ATP8A1: variants seen among roughly 807,000 people sequenced by gnomAD.
ATP8A1 encodes the protein ATPase phospholipid transporting 8A1.
ATP8A1 carries 90 observed loss-of-function variants against 177.7 expected under a neutral mutation model. That is an observed-to-expected ratio of 0.51 (90% CI 0.43 to 0.60). The LOEUF (loss-of-function observed/expected upper bound fraction) is 0.60. ATP8A1 is among the 20% of genes least tolerant of loss of function. The pLI, the probability that ATP8A1 is intolerant of heterozygous loss-of-function variation, is 0.00. For missense variants in ATP8A1, 1,072 were observed against 1,392.8 expected, an observed-to-expected ratio of 0.77 and a Z score of 3.67; for synonymous variants, 493 against 485.9, an observed-to-expected ratio of 1.01 and a Z score of -0.19.
chr4:42,506,344 C>T (rs767004636), intron 23 of ATP8A1, among the ~76,000 whole-genome samples: 1 of 152,172 alleles, frequency 6.6e-6, no homozygotes, highest in Non-Finnish European at 1.5e-5. Context: ...TAAGAAGGTG[C>T]TATCTATGAA....
At chr4:42,485,690 A>T in intron 24 of ATP8A1, 22 bp from the exon 25 acceptor site, 1 of 1,598,086 alleles carries the variant, frequency 6.3e-7, no homozygotes, top group South Asian at 1.1e-5. Context: ...AACAAGCAAA[A>T]ATGCCATCAA....
At chr4:42,516,667 C>T (rs116238247) in intron 22 of ATP8A1, among the ~76,000 whole-genome samples, 1,539 of 152,208 alleles carry the variant, frequency 0.01, 24 homozygotes, top group African/African-American at 0.036. Flanking sequence ...CACGAAGGCA[C>T]GCCTTCATAT....
intron 30 of ATP8A1, among the ~76,000 whole-genome samples, chr4:42,449,301 T>C (rs115960924): frequency 1.3e-5 from 2 of 152,326 alleles, no homozygotes; most frequent in African/African-American, 4.8e-5. Flanking sequence ...ATTATTAAGA[T>C]GGTTCAAGTT....
At chr4:42,432,301 A>AATATTAAT (rs1398709709) in intron 33 of ATP8A1, among the ~76,000 whole-genome samples, 1 of 152,202 alleles carries the variant, frequency 6.6e-6, no homozygotes, top group East Asian at 1.9e-4. Flanking sequence ...TAAAATCCAC[A>AATATTAAT]ATATTAATAT....
chr4:42,572,306 A>G (rs1261798163), intron 14 of ATP8A1, among the ~76,000 whole-genome samples: 1 of 152,134 alleles, frequency 6.6e-6, no homozygotes, highest in East Asian at 1.9e-4. Flanking sequence ...CCCCATCTGG[A>G]TTCCCATAAT....
At chr4:42,640,747 A>C (rs1739889635) in intron 1 of ATP8A1, among the ~76,000 whole-genome samples, 1 of 152,078 alleles carries the variant, frequency 6.6e-6, no homozygotes, top group Non-Finnish European at 1.5e-5. Context: ...CCCCTGGGTC[A>C]CCCTTGGACT....
At chr4:42,517,373 T>C (rs1725667333) in intron 22 of ATP8A1, among the ~76,000 whole-genome samples, 1 of 151,196 alleles carries the variant, frequency 6.6e-6, no homozygotes. Context: ...AAATTATGAG[T>C]CCTAATATGT....
At chr4:42,522,360 T>C in intron 21 of ATP8A1, 61 bp from the exon 22 acceptor site, 3 of 1,572,940 alleles carry the variant, frequency 1.9e-6, no homozygotes, top group Non-Finnish European at 2.6e-6. Flanking sequence ...AGTCTGAGGT[T>C]TCTGTTTTTA....
intron 22 of ATP8A1, among the ~76,000 whole-genome samples, chr4:42,509,008 G>A (rs1451677394): frequency 1.3e-5 from 2 of 152,232 alleles, no homozygotes; most frequent in Non-Finnish European, 2.9e-5. Context: ...ATGCATGCAT[G>A]TAATTTATAC....
intron 3 of ATP8A1, chr4:42,625,395 T>G: frequency 2.5e-6 from 1 of 397,924 alleles, no homozygotes; most frequent in Non-Finnish European, 4.6e-6. Flanking sequence ...GAACAGTCCT[T>G]GCCACATCAA....
chr4:42,421,832 C>T (rs906278833), intron 35 of ATP8A1, among the ~76,000 whole-genome samples: 7 of 152,126 alleles, frequency 4.6e-5, no homozygotes, highest in African/African-American at 7.2e-5. Flanking sequence ...AATTCCTCCT[C>T]CTATCTTAAT....
chr4:42,581,624 C>T lies in ATP8A1; in HGVS notation c.831G>A (p.Met277Ile). The change falls in exon 10 of 37, where the codon ATG (methionine) becomes ATA (isoleucine). Residue 277 changes from methionine to isoleucine, a missense_variant. By Grantham distance (10) the Met-to-Ile change is conservative. This residue lies in a region of ATP8A1 where 344 missense variants were observed against 393.5 expected (regional missense o/e 0.87). Transcript: ENST00000381668. ...GTTTCATAGAGAAAAATTTCACCTGCATCAGCTTGGTGTCATGTCCAGTGT... is the reference window on the plus strand; with the variant it reads ...GTTTCATAGAGAAAAATTTCACCTGTATCAGCTTGGTGTCATGTCCAGTGT... ...VVYTGHDTKL[M>I]QNSTSPPLKL... is the part of the protein sequence containing the mutation. 1 of 1,612,528 alleles carries T rather than the reference C, an allele frequency of 6.2e-7. No individual in the cohort carries two copies. Among genetic ancestry groups the T allele is most frequent in the Non-Finnish European group, 8.5e-7 (1 of 1,178,540 alleles).
At chr4:42,475,933 G>T (rs1721015422) in intron 25 of ATP8A1, among the ~76,000 whole-genome samples, 1 of 152,096 alleles carries the variant, frequency 6.6e-6, no homozygotes, top group Admixed American at 6.6e-5. Context: ...CAGCTACTCG[G>T]GAGGGTGAGG....
chr4:42,466,139 G>C (rs1413419309), intron 25 of ATP8A1, among the ~76,000 whole-genome samples: 2 of 150,296 alleles, frequency 1.3e-5, no homozygotes, highest in Non-Finnish European at 3.0e-5. Flanking sequence ...GGAAACTATA[G>C]AGAAAGACAG....
chr4:42,464,855 TGA>T, intron 26 of ATP8A1, 36 bp downstream of exon 26: 2 of 1,612,570 alleles, frequency 1.2e-6, no homozygotes, highest in South Asian at 1.1e-5. Flanking sequence ...ATCAGTTGAC[TGA>T]GAGGAATGAT....
At chr4:42,442,092 T>TA (rs1409763818) in intron 33 of ATP8A1, among the ~76,000 whole-genome samples, 1 of 152,258 alleles carries the variant, frequency 6.6e-6, no homozygotes, top group Admixed American at 6.5e-5. Context: ...ACACTTGTCC[T>TA]AGAAGTAGGT....
chr4:42,552,829 T>A lies in ATP8A1; in HGVS notation c.1414-219A>T, dbSNP rs4241701. Among the ~76,000 whole-genome samples, 114,262 of 152,024 alleles carry A rather than the reference T, an allele frequency of 0.75. 43,071 individuals are homozygous for A. The highest frequency in any genetic ancestry group is 0.9 in the East Asian group (4,649 of 5,162). On this transcript the variant is annotated intron_variant, in intron 16 of 36. Transcript: ENST00000381668. The stretch of plus-strand genomic sequence containing the variant: ...CCCCGTCTCTACTGAAAATACAAAA[T>A]CTGGCCAGGCGTGGTGGCAGGCGCC...
intron 35 of ATP8A1, among the ~76,000 whole-genome samples, chr4:42,415,738 T>C (rs1457585891): frequency 1.3e-5 from 2 of 152,224 alleles, no homozygotes; most frequent in East Asian, 1.9e-4. Flanking sequence ...ATAAAAGCTT[T>C]AGTTAAATTG....
At chr4:42,598,466 C>T (rs1734934517) in intron 6 of ATP8A1, among the ~76,000 whole-genome samples, 1 of 152,118 alleles carries the variant, frequency 6.6e-6, no homozygotes, top group Non-Finnish European at 1.5e-5. Flanking sequence ...TCTTTACACA[C>T]TGTTCATTTT....
Sources: allele counts gnomAD v4.1 joint callset (sites outside exome capture counted in the v4.1 genomes callset), GRCh38; gene constraint gnomAD v4.1.1; regional missense constraint gnomAD v4.1.1; transcripts MANE v1.5; gene names NCBI Gene and HGNC (gene_info 2026-07-23, HGNC 2026-07-21).